LARGE1: variants seen among roughly 807,000 people sequenced by gnomAD.
LARGE1 encodes xylosyl- and glucuronyltransferase LARGE1.
LARGE1 carries 43 observed loss-of-function variants against 87.6 expected under a neutral mutation model. The ratio of observed to expected loss-of-function variants is 0.49; its 90% CI spans 0.38 to 0.63. The LOEUF (loss-of-function observed/expected upper bound fraction) is 0.63. LARGE1 is among the 30% of genes least tolerant of loss of function. The pLI is 0.00. For missense variants in LARGE1, 802 were observed against 1,000.2 expected (o/e 0.80, Z 2.67); for synonymous variants, 434 against 394.6 (o/e 1.10, Z -1.18).
intron 6 of LARGE1, chr22:33,563,264 C>T (rs1327203615): frequency 6.6e-6 from 1 of 152,228 alleles, no homozygotes; most frequent in African/African-American, 2.4e-5. Flanking sequence ...CCATTCTCAT[C>T]TGATGAGACA....
At chr22:33,697,930 A>G (rs570387390) in intron 2 of LARGE1, among the ~76,000 whole-genome samples, 25 of 152,304 alleles carry the variant, frequency 1.6e-4, no homozygotes, top group Admixed American at 1.4e-3. Context: ...CAATAAGCAT[A>G]TCTTTCTGCC....
At chr22:33,363,353 T>A (rs576857472) in intron 9 of LARGE1, among the ~76,000 whole-genome samples, 2 of 149,972 alleles carry the variant, frequency 1.3e-5, no homozygotes, top group East Asian at 3.9e-4. Context: ...GGCCTCACAA[T>A]CATGGTGGAA....
chr22:33,677,699 C>T lies in LARGE1; in HGVS notation c.107-27031G>A, dbSNP rs182737268. On this transcript the variant is annotated intron_variant, in intron 2 of 14. Coordinates refer to ENST00000397394, the MANE Select transcript of LARGE1 (RefSeq NM_133642.5). ...GCCCAAGGGTGCCTGCCTCTCCAGTCGACATGGGAACAAGGATGCCTGCCA... is the reference window on the plus strand; with the variant it reads ...GCCCAAGGGTGCCTGCCTCTCCAGTTGACATGGGAACAAGGATGCCTGCCA... Among the ~76,000 whole-genome samples the T allele has an allele frequency of 2.0e-3, 300 of 152,292 alleles. 1 individual carries two copies. Among genetic ancestry groups the T allele is most frequent in the African/African-American group, 6.9e-3 (288 of 41,550 alleles).
At chr22:33,408,231 C>G (rs919057807) in intron 7 of LARGE1, among the ~76,000 whole-genome samples, 1 of 151,994 alleles carries the variant, frequency 6.6e-6, no homozygotes, top group Non-Finnish European at 1.5e-5. Flanking sequence ...GTGATCTACC[C>G]GCCTCGGCCC....
chr22:33,693,092 T>C (rs1413712383), intron 2 of LARGE1, among the ~76,000 whole-genome samples: 1 of 152,186 alleles, frequency 6.6e-6, no homozygotes, highest in East Asian at 1.9e-4. Flanking sequence ...TCACCTCCTC[T>C]GCAGCAACCT....
the LARGE1 span, among the ~76,000 whole-genome samples, chr22:33,075,219 G>A: frequency 6.6e-6 from 1 of 152,212 alleles, no homozygotes; most frequent in African/African-American, 2.4e-5. Context: ...TTGGTAGGGA[G>A]GGAGATATGG....
At position 33,556,576 on chromosome 22, in the gene LARGE1, CAGGCAGGCAGGA is replaced by C. The variant is rs1324999239; in HGVS notation, c.787+8260_787+8271del. On this transcript the variant is annotated intron_variant, in intron 6 of 14. Coordinates refer to ENST00000397394, the MANE Select transcript of LARGE1 (RefSeq NM_133642.5). ...GGAGGGAGGGAGGGAGGCAGGCAGGCAGGCAGGCAGGAAGGCAGGCAGGTAGGGAGGCAGGGA... is the reference window on the plus strand; with the variant it reads ...GGAGGGAGGGAGGGAGGCAGGCAGGCAGGCAGGCAGGTAGGGAGGCAGGGA... Among the ~76,000 whole-genome samples the C allele has an allele frequency of 3.2e-4, 16 of 50,000 alleles. 1 individual carries two copies. Among genetic ancestry groups the C allele is most frequent in the Admixed American group, 9.7e-4 (4 of 4,124 alleles). The allele number at this position is 50,000 out of a possible 152,430, so 32.8% of individuals were successfully genotyped here.
chr22:33,432,052 C>G, intron 7 of LARGE1, 109 bp downstream of exon 7: 3 of 834,716 alleles, frequency 3.6e-6, no homozygotes, highest in Non-Finnish European at 4.1e-6. Flanking sequence ...TGAATTCAAG[C>G]AATCAGGTGG....
At chr22:33,158,945 T>C (rs1464508901), downstream of LARGE1, among the ~76,000 whole-genome samples, 2 of 152,184 alleles carry the variant, frequency 1.3e-5, no homozygotes, top group African/African-American at 4.8e-5. Flanking sequence ...AGCAGAAGGT[T>C]AAATAATGCA....
chr22:33,122,654 C>T, the LARGE1 span, among the ~76,000 whole-genome samples: 1 of 152,086 alleles, frequency 6.6e-6, no homozygotes, highest in East Asian at 1.9e-4. Flanking sequence ...CCACCGTGCC[C>T]AGCCTGTTTT....
intron 11 of LARGE1, among the ~76,000 whole-genome samples, chr22:33,263,095 G>C (rs62224758): frequency 1.3e-5 from 2 of 152,044 alleles, no homozygotes; most frequent in African/African-American, 2.4e-5. Flanking sequence ...GGTTTCACCA[G>C]GTTGGCCAGG....
intron 1 of LARGE1, among the ~76,000 whole-genome samples, chr22:33,870,780 G>C (rs573208618): frequency 1.3e-5 from 2 of 152,152 alleles, no homozygotes; most frequent in Non-Finnish European, 2.9e-5. Flanking sequence ...TGTTGACCAG[G>C]CTGTCTTGAA....
intron 7 of LARGE1, among the ~76,000 whole-genome samples, chr22:33,426,288 T>C (rs1403337226): frequency 1.3e-5 from 2 of 152,176 alleles, no homozygotes; most frequent in African/African-American, 4.8e-5. Context: ...ACAAAACAGT[T>C]TTCTACCCTA....
intron 7 of LARGE1, among the ~76,000 whole-genome samples, chr22:33,408,246 A>T (rs1454072738): frequency 6.6e-6 from 1 of 152,196 alleles, no homozygotes; most frequent in Non-Finnish European, 1.5e-5. Flanking sequence ...CGGCCCCCAA[A>T]GTGCTGGGAT....
chr22:33,351,671 G>A (rs1193920625), intron 9 of LARGE1, among the ~76,000 whole-genome samples: 1 of 152,008 alleles, frequency 6.6e-6, no homozygotes, highest in Non-Finnish European at 1.5e-5. Context: ...GCGAGGAGAT[G>A]GATCTTAATC....
At chr22:33,602,943 C>T (rs1281616921) in intron 5 of LARGE1, among the ~76,000 whole-genome samples, 1 of 152,246 alleles carries the variant, frequency 6.6e-6, no homozygotes, top group African/African-American at 2.4e-5. Context: ...GCTGCTCCTC[C>T]TCCCATGTTG....
At chr22:33,491,194 T>C (rs995853199) in intron 6 of LARGE1, among the ~76,000 whole-genome samples, 1 of 152,228 alleles carries the variant, frequency 6.6e-6, no homozygotes, top group African/African-American at 2.4e-5. Context: ...AATAGTATTG[T>C]TGTTCTATGT....
At chr22:33,530,509 G>A (rs552625635) in intron 6 of LARGE1, among the ~76,000 whole-genome samples, 7 of 129,406 alleles carry the variant, frequency 5.4e-5, no homozygotes, top group Middle Eastern at 4.2e-3. Flanking sequence ...TAATGATACT[G>A]TTTTTATATT....
chr22:33,084,378 G>T, the LARGE1 span, among the ~76,000 whole-genome samples: 1 of 152,056 alleles, frequency 6.6e-6, no homozygotes, highest in Non-Finnish European at 1.5e-5. Flanking sequence ...ATAATGCAAG[G>T]TCAGGCACAG....
Sources: gnomAD v4.1 joint callset for allele counts (sites outside exome capture counted in the v4.1 genomes callset) on GRCh38, gnomAD v4.1.1 for gene constraint, MANE v1.5 for transcripts, NCBI Gene and HGNC (gene_info 2026-07-23, HGNC 2026-07-21) for gene names.